The following SPTBN1 variants were observed in gnomAD, a reference collection of about 807,000 sequenced individuals.
The protein encoded by SPTBN1 is spectrin beta chain, non-erythrocytic 1.
In SPTBN1, 32 loss-of-function variants were observed where a neutral mutation model predicts 266.4. That is an observed-to-expected ratio of 0.12 (90% CI 0.09 to 0.16). The LOEUF (loss-of-function observed/expected upper bound fraction) is 0.16, where lower values mean the gene tolerates loss of function less well. Ranked by LOEUF, SPTBN1 falls within the 10% of genes least tolerant of loss-of-function variation. The pLI is 1.00. For synonymous variants in SPTBN1, 1,336 were observed against 1,162.2 expected, an observed-to-expected ratio of 1.15 and a Z score of -3.04; for missense variants, 2,296 against 3,067.1, an observed-to-expected ratio of 0.75 and a Z score of 5.94.
chr2:54,594,411 T>C (rs1449791310), intron 2 of SPTBN1, among the ~76,000 whole-genome samples: 3 of 152,226 alleles, frequency 2.0e-5, no homozygotes, highest in Admixed American at 1.3e-4. Context: ...GTATTAGTTA[T>C]GAATAATCTA....
intron 1 of SPTBN1, among the ~76,000 whole-genome samples, chr2:54,493,418 G>GGGGGGT (rs1489893906): frequency 2.7e-5 from 4 of 146,242 alleles, no homozygotes; most frequent in Non-Finnish European, 6.1e-5. Flanking sequence ...TTTTTGGGGG[G>GGGGGGT]TTGGGGGAGA....
intron 2 of SPTBN1, among the ~76,000 whole-genome samples, chr2:54,547,466 A>G (rs1490305664): frequency 6.6e-6 from 1 of 152,172 alleles, no homozygotes; most frequent in African/African-American, 2.4e-5. Flanking sequence ...GTTCTTTTGG[A>G]TATATATCCA....
At chr2:54,516,258 T>C (rs1346834378) in intron 1 of SPTBN1, 1 of 152,096 alleles carries the variant, frequency 6.6e-6, no homozygotes, top group African/African-American at 2.4e-5. Flanking sequence ...ACCTGTAAAA[T>C]AGGGCTAATA....
At chr2:54,518,849 C>T (rs570716194) in intron 1 of SPTBN1, among the ~76,000 whole-genome samples, 9 of 152,126 alleles carry the variant, frequency 5.9e-5, no homozygotes, top group Admixed American at 5.9e-4. Context: ...AATGAAAATT[C>T]CATGTATTCT....
At chr2:54,618,032 T>G (rs1419570946) in intron 6 of SPTBN1, 46 bp from the exon 7 acceptor site, 1 of 1,481,528 alleles carries the variant, frequency 6.7e-7, no homozygotes, top group Non-Finnish European at 9.3e-7. Flanking sequence ...GTCATATTTC[T>G]TTTCAAGCCA....
intron 3 of SPTBN1, among the ~76,000 whole-genome samples, chr2:54,604,537 C>T (rs1676708891): frequency 6.6e-6 from 1 of 152,214 alleles, no homozygotes; most frequent in South Asian, 2.1e-4. Flanking sequence ...CCTCCTTCCT[C>T]TCTAAGGGTT....
chr2:54,520,158 T>TTC (rs930410611), intron 1 of SPTBN1, among the ~76,000 whole-genome samples: 50 of 152,192 alleles, frequency 3.3e-4, no homozygotes, highest in African/African-American at 1.2e-3. Context: ...GGATTATTGT[T>TTC]TCTTCATAAA....
At chr2:54,501,103 G>A (rs1030176745) in intron 1 of SPTBN1, among the ~76,000 whole-genome samples, 4 of 152,178 alleles carry the variant, frequency 2.6e-5, no homozygotes, top group Admixed American at 6.5e-5. Flanking sequence ...TTCTCTCGGG[G>A]CTCGTGGACT....
At chr2:54,651,775 A>T (rs1680308013) in intron 26 of SPTBN1, among the ~76,000 whole-genome samples, 1 of 152,198 alleles carries the variant, frequency 6.6e-6, no homozygotes, top group African/African-American at 2.4e-5. Flanking sequence ...TTTCCTAGGA[A>T]TTTGCTCATT....
chr2:54,561,282 C>T (rs1249207504), intron 2 of SPTBN1, among the ~76,000 whole-genome samples: 1 of 152,174 alleles, frequency 6.6e-6, no homozygotes, highest in Non-Finnish European at 1.5e-5. Context: ...GTAGCTGGGA[C>T]TATACCATGT....
rs570901926 is a variant in SPTBN1 at position 54,625,838 on chromosome 2, G to T, written c.1342-94G>T. On this transcript the variant is annotated intron_variant, in intron 11 of 35. Coordinates refer to ENST00000356805, the MANE Select transcript of SPTBN1 (RefSeq NM_003128.3). ...ACTCCTGACCTCAAGTGATCTGCCCGCCTCGGCCTCCCAAAGTGCTGGGAT... is the reference window on the plus strand; with the variant it reads ...ACTCCTGACCTCAAGTGATCTGCCCTCCTCGGCCTCCCAAAGTGCTGGGAT... 2.2e-5 allele frequency: 31 copies of T among 1,384,110 alleles called. No homozygotes were observed. The African/African-American group carries it at 3.2e-4, about 14-fold the overall frequency. 85.7% of individuals were successfully genotyped at this position (1,384,110 alleles called of 1,614,324 possible). A position where few individuals can be genotyped will look rare whatever the true frequency, so the allele number is the denominator to read the frequency against.
chr2:54,649,148 C>A lies in SPTBN1; in HGVS notation c.5160C>A (p.Val1720=), dbSNP rs368730014. The A allele has an allele frequency of 1.2e-6, 2 of 1,611,496 alleles. No individual in the cohort carries two copies. The highest frequency in any genetic ancestry group is 1.1e-5 in the South Asian group (1 of 90,994). ...LEQWIAEREV[V]AGSHELGQDY... ...AGTGGATCGCTGAGAGGGAGGTGGT[C>A]GCAGGGTCCCATGAACTGGGACAGG... Residue 1720 remains valine, a synonymous_variant, in exon 25 of 36, where the codon GTC becomes GTA. Transcript: ENST00000356805. The surrounding 1 kb of genome is among the most constrained non-coding windows in gnomAD (Gnocchi z 6.7).
At chr2:54,538,204 T>C (rs1209419480) in intron 2 of SPTBN1, among the ~76,000 whole-genome samples, 2 of 152,240 alleles carry the variant, frequency 1.3e-5, no homozygotes, top group African/African-American at 4.8e-5. Context: ...AAACAAACAT[T>C]AGCGTTTCAG....
chr2:54,467,604 C>T (rs573746964), intron 1 of SPTBN1, among the ~76,000 whole-genome samples: 14 of 152,258 alleles, frequency 9.2e-5, no homozygotes, highest in African/African-American at 3.4e-4. Context: ...AGACTGGTCT[C>T]GAACTCCTGA....
At chr2:54,601,336 G>A (rs916046021) in intron 3 of SPTBN1, among the ~76,000 whole-genome samples, 4 of 152,124 alleles carry the variant, frequency 2.6e-5, no homozygotes, top group Non-Finnish European at 4.4e-5. Context: ...TTGTTCATCT[G>A]GGCTGGAGAT....
intron 6 of SPTBN1, 98 bp downstream of exon 6, chr2:54,617,786 G>A (rs901733703): frequency 1.7e-5 from 20 of 1,190,796 alleles, no homozygotes; most frequent in Admixed American, 8.4e-5. Context: ...TGGCTTAACT[G>A]TCTCACCGTG....
chr2:54,563,903 T>A (rs1232343623), intron 2 of SPTBN1, among the ~76,000 whole-genome samples: 1 of 152,210 alleles, frequency 6.6e-6, no homozygotes, highest in Non-Finnish European at 1.5e-5. Flanking sequence ...ATTCTCGAAC[T>A]TTTTGTAGAT....
At chr2:54,594,083 G>A (rs1046492187) in intron 2 of SPTBN1, among the ~76,000 whole-genome samples, 4 of 151,942 alleles carry the variant, frequency 2.6e-5, no homozygotes, top group East Asian at 1.9e-4. Flanking sequence ...CGCCCACCTC[G>A]GCCTCCCAAA....
chr2:54,659,215 C>T lies in SPTBN1; in HGVS notation c.6305C>T (p.Ser2102Phe), dbSNP rs1413819352. Residue 2102 changes from serine (S) to phenylalanine (F), a missense_variant, in exon 31 of 36, where the codon TCT (serine) becomes TTT (phenylalanine). Transcript: ENST00000356805. ...EEEERKRRPP[S>F]PEPSTKVSEE... ...GAGGAGAGGAAGAGGCGGCCGCCTTCTCCCGAGCCGAGCACGAAGGTTTCA... is the reference window on the plus strand; with the variant it reads ...GAGGAGAGGAAGAGGCGGCCGCCTTTTCCCGAGCCGAGCACGAAGGTTTCA... The T allele has an allele frequency of 6.2e-7, 1 of 1,614,112 alleles. No homozygotes were observed. Among genetic ancestry groups the T allele is most frequent in the South Asian group, 1.1e-5 (1 of 91,068 alleles).
Sources: gnomAD v4.1 joint callset for allele counts (sites outside exome capture counted in the v4.1 genomes callset) on GRCh38, gnomAD v4.1.1 for gene constraint, Gnocchi (gnomAD v3.1) non-coding constraint, MANE v1.5 for transcripts, NCBI Gene and HGNC (gene_info 2026-07-23, HGNC 2026-07-21) for gene names.